Variants in TRHDE observed in about 807,000 individuals in gnomAD.
TRHDE encodes the protein thyrotropin-releasing hormone-degrading ectoenzyme.
Under a neutral mutation model 125.7 loss-of-function variants are expected in TRHDE, and 72 were observed. The observed-to-expected ratio is 0.57, with a 90% CI of 0.47 to 0.70. The LOEUF (loss-of-function observed/expected upper bound fraction) is 0.70. Ranked by LOEUF, TRHDE falls within the 30% of genes least tolerant of loss-of-function variation. TRHDE has a pLI of 0.00. For missense variants in TRHDE, 1,110 were observed against 1,327.1 expected (o/e 0.84, Z 2.54); for synonymous variants, 509 against 509.1 (o/e 1.00, Z 0.00).
At chr12:72,224,327 C>T (rs1211533004) in intron 2 of TRHDE, among the ~76,000 whole-genome samples, 1 of 151,900 alleles carries the variant, frequency 6.6e-6, no homozygotes, top group Admixed American at 6.6e-5. Flanking sequence ...AATCTCTGGA[C>T]CTTTGCAGGT....
intron 12 of TRHDE, among the ~76,000 whole-genome samples, chr12:72,585,341 G>A (rs1410418688): frequency 1.3e-5 from 2 of 152,124 alleles, no homozygotes; most frequent in South Asian, 2.1e-4. Flanking sequence ...AGGTTACATA[G>A]AGTTGGAATT....
At chr12:72,101,641 T>C (rs1875070018) in intron 1 of TRHDE, among the ~76,000 whole-genome samples, 1 of 152,378 alleles carries the variant, frequency 6.6e-6, no homozygotes, top group African/African-American at 2.4e-5. Flanking sequence ...ATTTGGCAGA[T>C]CCTTCATTCC....
intron 2 of TRHDE, among the ~76,000 whole-genome samples, chr12:72,138,964 C>T (rs543996217): frequency 2.0e-5 from 3 of 152,270 alleles, no homozygotes; most frequent in African/African-American, 7.2e-5. Context: ...CTCATTTCTG[C>T]TCTATAAAAA....
chr12:72,443,377 G>A (rs574951093), intron 3 of TRHDE, among the ~76,000 whole-genome samples: 1 of 151,534 alleles, frequency 6.6e-6, no homozygotes, highest in Admixed American at 6.6e-5. Context: ...CTCTCTTTTT[G>A]TATTTTCCTA....
At chr12:72,291,216 A>T (rs541158705) in intron 2 of TRHDE, among the ~76,000 whole-genome samples, 1 of 152,340 alleles carries the variant, frequency 6.6e-6, no homozygotes, top group African/African-American at 2.4e-5. Flanking sequence ...TTAACGAAAG[A>T]TACAAGCTAC....
chr12:72,333,633 A>G (rs1869702862), intron 2 of TRHDE, among the ~76,000 whole-genome samples: 1 of 152,234 alleles, frequency 6.6e-6, no homozygotes, highest in African/African-American at 2.4e-5. Flanking sequence ...GAATGCATAC[A>G]TATGTCCTTA....
chr12:72,233,867 C>A (rs1366998003), intron 2 of TRHDE, among the ~76,000 whole-genome samples: 1 of 152,036 alleles, frequency 6.6e-6, no homozygotes, highest in African/African-American at 2.4e-5. Context: ...TTTTTTTCAG[C>A]CAATGCAATA....
chr12:72,299,795 G>T lies in TRHDE; in HGVS notation c.1188+12841G>T, dbSNP rs554830603. ...ATTTAGGAGCCAGACAATAAGACAA[G>T]ATAAACATACTATCATGCACTACAT... On this transcript the variant is annotated intron_variant, in intron 2 of 18. Transcript: ENST00000261180. 6.6e-5 allele frequency among the ~76,000 whole-genome samples: 10 copies of T among 152,196 alleles called. No individual in the cohort carries two copies. In the East Asian group the frequency reaches 1.5e-3, roughly 24 times the overall value.
intron 2 of TRHDE, among the ~76,000 whole-genome samples, chr12:72,360,369 A>G (rs1871012411): frequency 6.6e-6 from 1 of 151,838 alleles, no homozygotes; most frequent in South Asian, 2.1e-4. Context: ...AGGAATTTCT[A>G]CAAATCATAA....
chr12:72,480,075 G>A (rs1382174155), intron 5 of TRHDE, among the ~76,000 whole-genome samples: 6 of 150,672 alleles, frequency 4.0e-5, no homozygotes, highest in African/African-American at 1.2e-4. Context: ...TTGGACATTT[G>A]GGTTGGTTCC....
intron 2 of TRHDE, among the ~76,000 whole-genome samples, chr12:72,156,209 A>G (rs1283128482): frequency 6.6e-6 from 1 of 152,180 alleles, no homozygotes; most frequent in Non-Finnish European, 1.5e-5. Flanking sequence ...ATGGGATACA[A>G]TCTCCTGGTG....
intron 2 of TRHDE, among the ~76,000 whole-genome samples, chr12:72,166,502 A>G (rs1417379500): frequency 6.6e-6 from 1 of 152,194 alleles, no homozygotes; most frequent in Non-Finnish European, 1.5e-5. Flanking sequence ...AGCAGGGACT[A>G]GATATCTATA....
chr12:72,340,949 C>T (rs559435724), intron 2 of TRHDE, among the ~76,000 whole-genome samples: 14 of 152,180 alleles, frequency 9.2e-5, no homozygotes, highest in Admixed American at 2.0e-4. Flanking sequence ...TTGTTAGATA[C>T]GGGAGTGGGC....
intron 6 of TRHDE, among the ~76,000 whole-genome samples, chr12:72,516,112 A>G (rs566475371): frequency 0.051 from 7,791 of 151,502 alleles, 282 homozygotes; most frequent in Admixed American, 0.11. Flanking sequence ...GCTTAGGATT[A>G]ACTTGGCGAT....
chr12:72,656,909 C>A lies in TRHDE; in HGVS notation c.2985-18C>A. On this transcript the variant is annotated intron_variant, in intron 17 of 18. Coordinates refer to ENST00000261180, the MANE Select transcript of TRHDE (RefSeq NM_013381.3). ...ATTATGACCTGCATTGACATTAAGACTCTTTTTTTCTTTTGAGGTATGGAG... is the reference window on the plus strand; with the variant it reads ...ATTATGACCTGCATTGACATTAAGAATCTTTTTTTCTTTTGAGGTATGGAG... The A allele has an allele frequency of 5.8e-6, 9 of 1,543,952 alleles. No individual in the cohort carries two copies. The highest frequency in any genetic ancestry group is 1.8e-5 in the Admixed American group (1 of 56,732).
chr12:72,644,981 T>C (rs940569920), intron 15 of TRHDE, among the ~76,000 whole-genome samples: 2 of 152,202 alleles, frequency 1.3e-5, no homozygotes, highest in African/African-American at 4.8e-5. Flanking sequence ...TAGTAGAGGT[T>C]CCCAGAATCT....
chr12:72,154,097 A>G (rs1418099973), intron 2 of TRHDE, among the ~76,000 whole-genome samples: 2 of 152,132 alleles, frequency 1.3e-5, no homozygotes, highest in South Asian at 2.1e-4. Context: ...GGATGCATAT[A>G]TATTTAGGAT....
intron 3 of TRHDE, among the ~76,000 whole-genome samples, chr12:72,429,891 A>G (rs1355108245): frequency 6.6e-6 from 1 of 152,034 alleles, no homozygotes; most frequent in Non-Finnish European, 1.5e-5. Flanking sequence ...TAATTTGTAT[A>G]TTCTACATAG....
chr12:72,528,857 T>C (rs958863346), intron 6 of TRHDE, among the ~76,000 whole-genome samples: 4 of 152,110 alleles, frequency 2.6e-5, no homozygotes, highest in Admixed American at 2.6e-4. Flanking sequence ...TAGTCTTCCA[T>C]TGGATTCAGA....
Sources: allele counts gnomAD v4.1 joint callset (sites outside exome capture counted in the v4.1 genomes callset), GRCh38; gene constraint gnomAD v4.1.1; transcripts MANE v1.5; gene names NCBI Gene and HGNC (gene_info 2026-07-23, HGNC 2026-07-21).